The following AGBL3 variants were observed in gnomAD, a reference collection of about 807,000 sequenced individuals.
AGBL3 encodes AGBL carboxypeptidase 3, also known as cytosolic carboxypeptidase 3.
A neutral mutation model predicts 94.5 loss-of-function variants in AGBL3; 68 were observed. The ratio of observed to expected loss-of-function variants is 0.72; its 90% confidence interval spans 0.59 to 0.88. The LOEUF (loss-of-function observed/expected upper bound fraction) is 0.88, where lower values mean the gene tolerates loss of function less well. AGBL3 is among the 40% of genes least tolerant of loss of function. The pLI is 0.00. For missense variants in AGBL3, 934 were observed against 1,103.8 expected (o/e 0.85, Z 2.18); for synonymous variants, 354 against 370.7 (o/e 0.95, Z 0.52).
intron 15 of AGBL3, among the ~76,000 whole-genome samples, chr7:135,110,089 G>A (rs534685091): frequency 6.6e-6 from 1 of 152,232 alleles, no homozygotes; most frequent in Non-Finnish European, 1.5e-5. Context: ...CAAAGATAGT[G>A]GTTCACCCTC....
intron 11 of AGBL3, among the ~76,000 whole-genome samples, chr7:135,054,384 A>G (rs1449435598): frequency 1.3e-5 from 2 of 152,232 alleles, no homozygotes; most frequent in Non-Finnish European, 2.9e-5. Flanking sequence ...CTGCTGCTGA[A>G]AAAGGAAGCA....
At position 135,044,108 on chromosome 7, in the gene AGBL3, G is replaced by A. The variant is rs949695886; in HGVS notation, c.1584G>A (p.Arg528=). The change falls in exon 9 of 17, where the codon AGG becomes AGA. Residue 528 remains arginine, a synonymous_variant. Transcript: ENST00000436302. ...GRVVMWKMGI[R]NSFTMEATFC... is the part of the protein sequence containing the mutation. ...TGGTAATGTGGAAAATGGGAATCAG[G>A]AACAGCTTTACCATGGAGGCCACCT... is the stretch of plus-strand genomic sequence containing the variant. The A allele has an allele frequency of 2.0e-5, 31 of 1,550,616 alleles. No homozygotes were observed. Among genetic ancestry groups the A allele is most frequent in the Non-Finnish European group, 2.6e-5 (30 of 1,146,240 alleles).
At chr7:134,992,102 G>A (rs540181979) in intron 3 of AGBL3, among the ~76,000 whole-genome samples, 4 of 152,346 alleles carry the variant, frequency 2.6e-5, no homozygotes, top group African/African-American at 9.6e-5. Context: ...TAGAACTCTT[G>A]TTCATTAACT....
chr7:135,103,481 C>T (rs1824168682), intron 15 of AGBL3, among the ~76,000 whole-genome samples: 1 of 152,026 alleles, frequency 6.6e-6, no homozygotes. Context: ...AATATGCATG[C>T]TTTTTTCTTA....
intron 15 of AGBL3, among the ~76,000 whole-genome samples, chr7:135,096,767 G>GAAAGAA (rs1822929436): frequency 6.8e-6 from 1 of 146,786 alleles, no homozygotes; most frequent in Non-Finnish European, 1.5e-5. Context: ...AAGAAAGAAA[G>GAAAGAA]AAAGAAAGAA....
intron 8 of AGBL3, among the ~76,000 whole-genome samples, chr7:135,042,978 A>G (rs1386910028): frequency 6.6e-6 from 1 of 152,194 alleles, no homozygotes; most frequent in Admixed American, 6.5e-5. Context: ...TGTTACTGAA[A>G]AAATAAAATT....
intron 2 of AGBL3, among the ~76,000 whole-genome samples, chr7:134,988,770 G>T (rs1809827672): frequency 6.6e-6 from 1 of 151,998 alleles, no homozygotes; most frequent in Non-Finnish European, 1.5e-5. Flanking sequence ...GAGTAGCTGG[G>T]ATTACAGGCA....
chr7:135,045,959 A>G, intron 11 of AGBL3, 48 bp downstream of exon 11: 3 of 1,199,762 alleles, frequency 2.5e-6, no homozygotes, highest in South Asian at 2.8e-5. Context: ...CTGTTTTACT[A>G]TGTTCTTTAT....
intron 16 of AGBL3, among the ~76,000 whole-genome samples, chr7:135,126,692 C>T (rs1034367566): frequency 2.0e-5 from 3 of 152,012 alleles, no homozygotes; most frequent in East Asian, 3.9e-4. Context: ...TGCAACAGAA[C>T]GGAGACCTCA....
At chr7:135,043,946 T>G in intron 8 of AGBL3, 79 bp from the exon 9 acceptor site, 1 of 1,474,392 alleles carries the variant, frequency 6.8e-7, no homozygotes, top group Non-Finnish European at 9.0e-7. Flanking sequence ...CATAACCACT[T>G]TATCATTTTT....
chr7:134,988,079 G>GATTTTTATATCCAATT, intron 2 of AGBL3, 83 bp downstream of exon 2: 2 of 1,064,878 alleles, frequency 1.9e-6, no homozygotes, highest in Non-Finnish European at 2.7e-6. Context: ...AAAATCAATT[G>GATTTTTATATCCAATT]GATATAAAAA....
rs1377611333 is a variant in AGBL3 at position 135,135,246 on chromosome 7, C to T, written c.2748C>T (p.Phe916=). The T allele has an allele frequency of 2.0e-6, 3 of 1,521,880 alleles. No homozygotes were observed. The highest frequency in any genetic ancestry group is 2.6e-6 in the Non-Finnish European group (3 of 1,134,372). The allele number at this position is 1,521,880 out of a possible 1,614,324, so 94.3% of individuals were successfully genotyped here. A position where few individuals can be genotyped will look rare whatever the true frequency, so the allele number is the denominator to read the frequency against. The part of the protein sequence containing the change: ...NDGQPTLYLK[F]QRES Reference sequence around the variant, plus strand: ...GACAACCCACCTTATATCTGAAGTTCCAAAGGGAGAGTTAATCTAGCTTTA... The same window carrying T: ...GACAACCCACCTTATATCTGAAGTTTCAAAGGGAGAGTTAATCTAGCTTTA... The change falls in exon 17 of 17, where the codon TTC becomes TTT. Residue 916 remains phenylalanine, a synonymous_variant. Transcript: ENST00000436302.
intron 3 of AGBL3, among the ~76,000 whole-genome samples, chr7:134,991,391 G>A (rs1584742135): frequency 6.6e-6 from 1 of 152,014 alleles, no homozygotes; most frequent in Admixed American, 6.5e-5. Flanking sequence ...TGGGTCTTCT[G>A]TTAAGAAAGA....
chr7:134,988,131 A>C, intron 2 of AGBL3, 135 bp downstream of exon 2: 1 of 699,620 alleles, frequency 1.4e-6, no homozygotes, highest in Non-Finnish European at 2.3e-6. Flanking sequence ...GTTGGGAAAT[A>C]ATTTGGCTGA....
At chr7:135,052,217 A>T (rs1360970091) in intron 11 of AGBL3, among the ~76,000 whole-genome samples, 1 of 152,064 alleles carries the variant, frequency 6.6e-6, no homozygotes, top group African/African-American at 2.4e-5. Context: ...ATGTCCCTGT[A>T]CCTTATACGA....
In AGBL3 at chr7:135,034,401, A is replaced by C. The variant is rs1816090079; in HGVS notation, c.810A>C (p.Pro270=). The change falls in exon 7 of 17, where the codon CCA becomes CCC. Residue 270 remains proline, a synonymous_variant. Transcript: ENST00000436302. The part of the protein sequence containing the change: ...GDQIKYYRNN[P]GQDGRHYFSL... ...AAATCAAGTATTATAGGAACAACCC[A>C]GGCCAAGATGGGCGCCATTATTTCT... is the stretch of plus-strand genomic sequence containing the variant. 6.4e-7 allele frequency: 1 copy of C among 1,551,586 alleles called. No individual in the cohort carries two copies. Among genetic ancestry groups the C allele is most frequent in the Admixed American group, 2.0e-5 (1 of 50,976 alleles).
chr7:135,096,524 G>GA (rs1352452517), intron 15 of AGBL3, among the ~76,000 whole-genome samples: 8 of 146,324 alleles, frequency 5.5e-5, no homozygotes, highest in Admixed American at 4.8e-4. Flanking sequence ...AAGAAAAAGA[G>GA]AAAAAAACAA....
chr7:134,987,411 TAGAAC>T (rs1325123580), intron 1 of AGBL3, among the ~76,000 whole-genome samples: 1 of 152,208 alleles, frequency 6.6e-6, no homozygotes, highest in Non-Finnish European at 1.5e-5. Context: ...AAATGAATAT[TAGAAC>T]AGACAGTATC....
At chr7:135,078,113 T>C (rs1489880269) in intron 13 of AGBL3, among the ~76,000 whole-genome samples, 1 of 152,222 alleles carries the variant, frequency 6.6e-6, no homozygotes, top group Non-Finnish European at 1.5e-5. Flanking sequence ...AGGAGGAGCC[T>C]TACTGGAGTC....
Sources: allele counts gnomAD v4.1 joint callset (sites outside exome capture counted in the v4.1 genomes callset), GRCh38; gene constraint gnomAD v4.1.1; transcripts MANE v1.5; gene names NCBI Gene and HGNC (gene_info 2026-07-23, HGNC 2026-07-21).